The following GFOD1 variants were observed in gnomAD, a reference collection of about 807,000 sequenced individuals.
GFOD1 encodes the protein glucose-fructose oxidoreductase domain-containing protein 1.
Under a neutral mutation model 25.4 loss-of-function variants are expected in GFOD1, and 9 were observed. That is an observed-to-expected ratio of 0.35 (90% CI 0.21 to 0.62). GFOD1 has a LOEUF of 0.62. Among genes scored for constraint, GFOD1 ranks in the 20% least tolerant of loss-of-function variants. The pLI is 0.72. For missense variants in GFOD1, 403 were observed against 556.9 expected (o/e 0.72, Z 2.78); for synonymous variants, 253 against 245.6 (o/e 1.03, Z -0.28).
At chr6:13,419,704 C>A (rs1208708467) in intron 1 of GFOD1, among the ~76,000 whole-genome samples, 1 of 152,194 alleles carries the variant, frequency 6.6e-6, no homozygotes, top group Non-Finnish European at 1.5e-5. Flanking sequence ...TCGCTTGTTT[C>A]TTTCCAGCTC....
At chr6:13,422,508 T>C (rs1158174894) in intron 1 of GFOD1, among the ~76,000 whole-genome samples, 1 of 152,196 alleles carries the variant, frequency 6.6e-6, no homozygotes, top group African/African-American at 2.4e-5. Context: ...TCCTGCTTAT[T>C]CAATTTATTT....
intron 1 of GFOD1, among the ~76,000 whole-genome samples, chr6:13,389,975 C>G (rs760581847): frequency 6.6e-6 from 1 of 151,974 alleles, no homozygotes; most frequent in Admixed American, 6.6e-5. Flanking sequence ...AAGTTCAGCC[C>G]CCCGTGCACA....
In GFOD1 at chr6:13,375,737, T is replaced by C. The variant is rs557595949; in HGVS notation, c.254-10075A>G. 1.1e-4 allele frequency among the ~76,000 whole-genome samples: 17 copies of C among 152,304 alleles called. No homozygotes were observed. The East Asian group carries it at 3.1e-3, about 28-fold the overall frequency. On this transcript the variant is annotated intron_variant, in intron 1 of 1. Transcript: ENST00000379287. ...CCCTTTGTGAACCGTCCCCCATGAC[T>C]CAAGCCTGTTGCCTGGGCCCTCTTA...
intron 1 of GFOD1, among the ~76,000 whole-genome samples, chr6:13,465,054 C>T (rs1225347824): frequency 6.6e-6 from 1 of 152,170 alleles, no homozygotes; most frequent in East Asian, 1.9e-4. Flanking sequence ...CTTCTGTGCT[C>T]ATTCTCATAG....
chr6:13,364,527 C>G lies in GFOD1; in HGVS notation c.*216G>C. 1.7e-6 allele frequency: 1 copy of G among 580,318 alleles called. No homozygotes were observed. The highest frequency in any genetic ancestry group is 3.1e-6 in the Non-Finnish European group (1 of 325,716). The allele number at this position is 580,318 out of a possible 1,614,324, so 35.9% of individuals were successfully genotyped here. On this transcript the variant is annotated 3_prime_UTR_variant, in exon 2 of 2. Coordinates refer to ENST00000379287, the MANE Select transcript of GFOD1 (RefSeq NM_018988.4). The surrounding 1 kb of genome is among the most constrained non-coding windows in gnomAD (Gnocchi z 4.1). ...GATCATCCCAGGAATGGCAGGCTCT[C>G]CTGAATGCTTCCAGGCTAGGAGCTC... is the stretch of plus-strand genomic sequence containing the variant.
At chr6:13,452,038 A>G (rs1429181854) in intron 1 of GFOD1, among the ~76,000 whole-genome samples, 1 of 152,196 alleles carries the variant, frequency 6.6e-6, no homozygotes, top group East Asian at 1.9e-4. Context: ...ACTGGGAAGC[A>G]GAAAAAGTGA....
intron 1 of GFOD1, among the ~76,000 whole-genome samples, chr6:13,457,494 C>T (rs553732250): frequency 1.3e-3 from 195 of 152,278 alleles, no homozygotes; most frequent in African/African-American, 4.5e-3. Flanking sequence ...TCCTCAGATA[C>T]ACTTTGAGAG....
In GFOD1 at chr6:13,470,514, A is replaced by C. The variant is rs1354998020; in HGVS notation, c.253+16124T>G. ...AGAGCAGCATCGTGGGGGGTAAACA[A>C]ATGTCCCATGTGGGGGTGCTGGAGG... On this transcript the variant is annotated intron_variant, in intron 1 of 1. Transcript: ENST00000379287. 2.5e-5 allele frequency: 39 copies of C among 1,549,870 alleles called. 1 individual carries two copies. In the Admixed American group the frequency reaches 7.5e-4, roughly 30 times the overall value.
intron 1 of GFOD1, among the ~76,000 whole-genome samples, chr6:13,389,739 G>A (rs2127560766): frequency 6.6e-6 from 1 of 152,164 alleles, no homozygotes; most frequent in South Asian, 2.1e-4. Context: ...TTCTGTACAT[G>A]TACCCTAGAA....
chr6:13,469,478 C>T, intron 1 of GFOD1: 1 of 990,938 alleles, frequency 1.0e-6, no homozygotes, highest in South Asian at 4.6e-5. Context: ...CGTTTCTATA[C>T]TTTGTCAATA....
At position 13,430,607 on chromosome 6, in the gene GFOD1, C is replaced by T. The variant is rs113050243; in HGVS notation, c.253+56031G>A. On this transcript the variant is annotated intron_variant, in intron 1 of 1. Transcript: ENST00000379287. This position sits in a 1 kb window ranked among gnomAD's most constrained non-coding sequence, Gnocchi z 4.1. ...TCCTATTATGGGGTTCCCATAGAGA[C>T]GGGCAGCTTGTGTACAATGGGGAAG... 4.5e-4 allele frequency among the ~76,000 whole-genome samples: 69 copies of T among 152,210 alleles called. 2 individuals are homozygous for T. Among genetic ancestry groups the T allele is most frequent in the Admixed American group, 3.7e-3 (57 of 15,288 alleles).
At chr6:13,481,549 G>A (rs771268152) in intron 1 of GFOD1, among the ~76,000 whole-genome samples, 1 of 150,756 alleles carries the variant, frequency 6.6e-6, no homozygotes, top group Non-Finnish European at 1.5e-5. Flanking sequence ...AAAGTGGAGA[G>A]TGATACCTTA....
intron 1 of GFOD1, among the ~76,000 whole-genome samples, chr6:13,416,867 G>T (rs1021043160): frequency 6.6e-6 from 1 of 152,186 alleles, no homozygotes; most frequent in Non-Finnish European, 1.5e-5. Context: ...GATGGGGATG[G>T]AGAAAAGTGC....
Position 13,485,610 on chromosome 6 carries a change from C to T in GFOD1, c.253+1028G>A, listed in dbSNP as rs114722429. ...AGAACTGATGATGAACAAAACATGCCCTTCTCTTTCCCCTGAGCATAGGCT... is the reference window on the plus strand; with the variant it reads ...AGAACTGATGATGAACAAAACATGCTCTTCTCTTTCCCCTGAGCATAGGCT... On this transcript the variant is annotated intron_variant, in intron 1 of 1. Coordinates refer to ENST00000379287, the MANE Select transcript of GFOD1 (RefSeq NM_018988.4). Among the ~76,000 whole-genome samples, 792 of 152,122 alleles carry T rather than the reference C, an allele frequency of 5.2e-3. 6 individuals are homozygous for T. Among genetic ancestry groups the T allele is most frequent in the African/African-American group, 0.018 (745 of 41,522 alleles).
chr6:13,391,002 C>G (rs539805361), intron 1 of GFOD1, among the ~76,000 whole-genome samples: 1 of 152,174 alleles, frequency 6.6e-6, no homozygotes, highest in South Asian at 2.1e-4. Context: ...TCTTGGTGTC[C>G]CCTACTGGCC....
intron 1 of GFOD1, among the ~76,000 whole-genome samples, chr6:13,393,780 C>CCTT (rs1785666843): frequency 8.3e-6 from 1 of 120,288 alleles, no homozygotes; most frequent in Non-Finnish European, 1.7e-5. Flanking sequence ...TTTTTCTTTT[C>CCTT]TTTTTTTTTT....
At chr6:13,397,350 T>A (rs984637685) in intron 1 of GFOD1, among the ~76,000 whole-genome samples, 3 of 152,220 alleles carry the variant, frequency 2.0e-5, no homozygotes, top group African/African-American at 7.2e-5. Flanking sequence ...AAGATCCAAA[T>A]GTGAAGCCAC....
chr6:13,410,694 A>G (rs1474827971), intron 1 of GFOD1, among the ~76,000 whole-genome samples: 2 of 152,046 alleles, frequency 1.3e-5, no homozygotes, highest in African/African-American at 4.8e-5. Context: ...TAATTACCCA[A>G]TATGCTGGCA....
chr6:13,401,750 C>G (rs1288683054), intron 1 of GFOD1, among the ~76,000 whole-genome samples: 2 of 151,848 alleles, frequency 1.3e-5, no homozygotes, highest in African/African-American at 4.9e-5. Context: ...TAATATTATC[C>G]AAATTGATCT....
Sources: allele counts gnomAD v4.1 joint callset (sites outside exome capture counted in the v4.1 genomes callset), GRCh38; gene constraint gnomAD v4.1.1; non-coding constraint Gnocchi (gnomAD v3.1); transcripts MANE v1.5; gene names NCBI Gene and HGNC (gene_info 2026-07-23, HGNC 2026-07-21).